SPHK2: variants seen among roughly 807,000 people sequenced by gnomAD.
SPHK2 encodes the protein sphingosine kinase 2.
SPHK2 carries 18 observed loss-of-function variants against 32.3 expected under a neutral mutation model. The ratio of observed to expected loss-of-function variants is 0.56; its 90% CI spans 0.39 to 0.83. The LOEUF (loss-of-function observed/expected upper bound fraction) is 0.83, where lower values mean the gene tolerates loss of function less well. Ranked by LOEUF, SPHK2 falls within the 40% of genes least tolerant of loss-of-function variation. The probability of loss-of-function intolerance (pLI) is 0.00; values close to 1 mark genes in which losing one functional copy is unlikely to be tolerated. For synonymous variants in SPHK2, 462 were observed against 417.6 expected (o/e 1.11, Z -1.30); for missense variants, 850 against 908.7 (o/e 0.94, Z 0.83).
intron 2 of SPHK2, chr19:48,625,317 C>T (rs1974562597): frequency 1.8e-6 from 2 of 1,119,332 alleles, no homozygotes; most frequent in South Asian, 2.0e-5. Flanking sequence ...TGTTTGTCTC[C>T]TCTCAGTGTT....
rs1485942168 is a variant in SPHK2 at position 48,630,076 on chromosome 19, G to A, written c.*303G>A. The A allele has an allele frequency of 1.6e-6, 2 of 1,280,748 alleles. No homozygotes were observed. Among genetic ancestry groups the A allele is most frequent in the Non-Finnish European group, 2.0e-6 (2 of 1,013,934 alleles). The allele number at this position is 1,280,748 out of a possible 1,614,324, so 79.3% of individuals were successfully genotyped here. A position where few individuals can be genotyped will look rare whatever the true frequency, so the allele number is the denominator to read the frequency against. The stretch of plus-strand genomic sequence containing the variant: ...TGACGCTTGCCACCTGCTCCTACCC[G>A]GCCAGGATGGCTGAGGGCGGAGTCT... On this transcript the variant is annotated 3_prime_UTR_variant, in exon 7 of 7. Coordinates refer to ENST00000245222, the MANE Select transcript of SPHK2 (RefSeq NM_020126.5). The surrounding 1 kb of genome is among the most constrained non-coding windows in gnomAD (Gnocchi z 4.9).
At position 48,619,515 on chromosome 19, in the gene SPHK2, C is replaced by T. The variant is rs1279556503; in HGVS notation, c.-142C>T. The stretch of plus-strand genomic sequence containing the variant: ...ACGCCGACGGCCTCTCAGTGGCTCC[C>T]GGAGGACCCGGCGGGCCCAGTGTTG... On this transcript the variant is annotated 5_prime_UTR_variant, in exon 1 of 7. Coordinates refer to ENST00000245222, the MANE Select transcript of SPHK2 (RefSeq NM_020126.5). The T allele has an allele frequency of 1.4e-5, 4 of 289,276 alleles. No individual in the cohort carries two copies. The highest frequency in any genetic ancestry group is 9.5e-5 in the South Asian group (2 of 21,134). The allele number at this position is 289,276 out of a possible 1,614,324, so 17.9% of individuals were successfully genotyped here.
chr19:48,629,098 T>C lies in SPHK2; in HGVS notation c.1290T>C (p.Pro430=), dbSNP rs753171885. 3 of 1,613,460 alleles carry C rather than the reference T, an allele frequency of 1.9e-6. No homozygotes were observed. In the South Asian group the frequency reaches 3.3e-5, roughly 18 times the overall value. The change falls in exon 7 of 7, where the codon CCT becomes CCC. Residue 430 remains proline (P), a synonymous_variant. Transcript: ENST00000245222. The part of the protein sequence containing the change: ...VSDLPLPLPQ[P]ALASPGSPEP... ...ACCTGCCTCTTCCCCTGCCCCAGCCTGCCCTGGCCTCTCCTGGCTCGCCAG... is the reference window on the plus strand; with the variant it reads ...ACCTGCCTCTTCCCCTGCCCCAGCCCGCCCTGGCCTCTCCTGGCTCGCCAG...
chr19:48,622,000 A>T (rs1974422705), intron 2 of SPHK2, among the ~76,000 whole-genome samples: 2 of 152,168 alleles, frequency 1.3e-5, no homozygotes, highest in South Asian at 4.1e-4. Flanking sequence ...TCACGCCTGT[A>T]ATCCCAGCAC....
In SPHK2 at chr19:48,629,736, T is replaced by C; in HGVS notation, c.1928T>C (p.Leu643Pro). 4 of 1,592,240 alleles carry C rather than the reference T, an allele frequency of 2.5e-6. No homozygotes were observed. The highest frequency in any genetic ancestry group is 2.2e-5 in the East Asian group (1 of 44,454). ...ATGCACCCTGGCATCGGTACACTGC[T>C]CACTGGGCCTCCTGGCTGCCCGGGG... Reference protein sequence around the residue: ...AQMHPGIGTLLTGPPGCPGRE... With the variant: ...AQMHPGIGTLPTGPPGCPGRE... Residue 643 changes from leucine to proline, a missense_variant, in exon 7 of 7, where the codon CTC (leucine) becomes CCC (proline). Around this residue, in one of 2 missense-constraint regions of SPHK2, gnomAD observed 306 missense variants for 268.6 expected, o/e 1.14. Coordinates refer to ENST00000245222, the MANE Select transcript of SPHK2 (RefSeq NM_020126.5).
At position 48,628,183 on chromosome 19, in the gene SPHK2, C is replaced by A. The variant is rs1463647244; in HGVS notation, c.778C>A (p.Arg260Ser). ...LHEVLNGLLDRPDWEEAVKMP... is the reference protein window; with the variant it reads ...LHEVLNGLLDSPDWEEAVKMP... ...CCAGGTGCTGAACGGGCTCCTAGAT[C>A]GCCCTGACTGGGAGGAAGCTGTGAA... The change falls in exon 6 of 7, where the codon CGC becomes AGC. Residue 260 changes from arginine (R) to serine (S), a missense_variant. Physicochemically the swap from Arg to Ser is moderately radical, Grantham distance 110 (BLOSUM62 -1). This residue lies in a region of SPHK2 where 544 missense variants were observed against 640.0 expected (regional missense o/e 0.85). Coordinates refer to ENST00000245222, the MANE Select transcript of SPHK2 (RefSeq NM_020126.5). The surrounding 1 kb of genome is among the most constrained non-coding windows in gnomAD (Gnocchi z 5.2). 1 of 1,613,754 alleles carries A rather than the reference C, an allele frequency of 6.2e-7. No homozygotes were observed. Among genetic ancestry groups the A allele is most frequent in the Non-Finnish European group, 8.5e-7 (1 of 1,179,872 alleles).
At chr19:48,627,653 G>A in intron 3 of SPHK2, 39 bp from the exon 4 acceptor site, 2 of 1,527,152 alleles carry the variant, frequency 1.3e-6, no homozygotes, top group Non-Finnish European at 8.8e-7. Context: ...TGGGGGGCCT[G>A]GGTCACTGGC....
chr19:48,624,753 T>G, intron 2 of SPHK2: 7 of 236,690 alleles, frequency 3.0e-5, no homozygotes, highest in South Asian at 1.5e-4. Context: ...TTGAACCTGA[T>G]TTGAGGTTCC....
intron 2 of SPHK2, chr19:48,625,063 G>A: frequency 2.0e-6 from 2 of 991,584 alleles, no homozygotes; most frequent in Non-Finnish European, 2.4e-6. Flanking sequence ...GAGAGCAGGC[G>A]GCCAGACACC....
intron 2 of SPHK2, 130 bp from the exon 3 acceptor site, chr19:48,625,761 G>T (rs1202043498): frequency 1.3e-6 from 2 of 1,535,466 alleles, no homozygotes; most frequent in Non-Finnish European, 1.7e-6. Flanking sequence ...GTCTGAGCCT[G>T]TCTGTCTCTG....
Position 48,627,755 on chromosome 19 carries a change from G to A in SPHK2, c.575G>A (p.Gly192Asp). 2 of 1,613,860 alleles carry A rather than the reference G, an allele frequency of 1.2e-6. No homozygotes were observed. Among genetic ancestry groups the A allele is most frequent in the Non-Finnish European group, 1.7e-6 (2 of 1,179,906 alleles). The change falls in exon 4 of 7, where the codon GGT becomes GAT. Residue 192 changes from glycine to aspartate, a missense_variant. Transcript: ENST00000245222. The part of the protein sequence containing the change: ...RLLLLVNPFG[G>D]RGLAWQWCKN... ...CTTCTATTGGTCAATCCCTTTGGGGGTCGGGGCCTGGCCTGGCAGTGGTGT... is the reference window on the plus strand; with the variant it reads ...CTTCTATTGGTCAATCCCTTTGGGGATCGGGGCCTGGCCTGGCAGTGGTGT...
At position 48,625,965 on chromosome 19, in the gene SPHK2, C is replaced by T; in HGVS notation, c.114C>T (p.Ala38=). 1 of 1,612,550 alleles carries T rather than the reference C, an allele frequency of 6.2e-7. No individual in the cohort carries two copies. The highest frequency in any genetic ancestry group is 8.5e-7 in the Non-Finnish European group (1 of 1,179,734). ...RSTLVRAKAM[A]PPPPPLAAST... is the part of the protein sequence containing the mutation. ...CCCTGGTCAGGGCTAAGGCCATGGC[C>T]CCGCCCCCACCGCCACTGGCTGCCA... The change falls in exon 3 of 7, where the codon GCC becomes GCT. Residue 38 remains alanine (A), a synonymous_variant. Coordinates refer to ENST00000245222, the MANE Select transcript of SPHK2 (RefSeq NM_020126.5).
chr19:48,628,817 T>C lies in SPHK2; in HGVS notation c.1009T>C (p.Trp337Arg). Reference protein sequence around the residue: ...SRCFSFLSVAWGFVSDVDIQS... With the variant: ...SRCFSFLSVARGFVSDVDIQS... ...CTGTTTCTCCTTCCTGTCTGTGGCC[T>C]GGGGCTTCGTGTCAGATGTGGATAT... The change falls in exon 7 of 7, where the codon TGG becomes CGG. Residue 337 changes from tryptophan (W) to arginine (R), a missense_variant. Physicochemically the swap from Trp to Arg is moderately radical, Grantham distance 101. Around this residue, in one of 2 missense-constraint regions of SPHK2, gnomAD observed 544 missense variants for 640.0 expected, o/e 0.85. Coordinates refer to ENST00000245222, the MANE Select transcript of SPHK2 (RefSeq NM_020126.5). The surrounding 1 kb of genome is among the most constrained non-coding windows in gnomAD (Gnocchi z 5.2). 6.2e-7 allele frequency: 1 copy of C among 1,613,694 alleles called. No individual in the cohort carries two copies. Among genetic ancestry groups the C allele is most frequent in the South Asian group, 1.1e-5 (1 of 91,090 alleles).
Position 48,628,587 on chromosome 19 carries a change from G to C in SPHK2, c.873-94G>C. On this transcript the variant is annotated intron_variant, in intron 6 of 6. Coordinates refer to ENST00000245222, the MANE Select transcript of SPHK2 (RefSeq NM_020126.5). This position sits in a 1 kb window ranked among gnomAD's most constrained non-coding sequence, Gnocchi z 5.2. Reference sequence around the variant, plus strand: ...GTGGTGGGCCTGGGCCATGGCCTTCGTGGTCTCATTGCCAGCTGCTTTCCT... The same window carrying C: ...GTGGTGGGCCTGGGCCATGGCCTTCCTGGTCTCATTGCCAGCTGCTTTCCT... The C allele has an allele frequency of 2.7e-6, 4 of 1,490,664 alleles. No individual in the cohort carries two copies. The highest frequency in any genetic ancestry group is 3.7e-6 in the Non-Finnish European group (4 of 1,087,378). 92.3% of individuals were successfully genotyped at this position (1,490,664 alleles called of 1,614,324 possible).
chr19:48,620,506 G>A lies in SPHK2; in HGVS notation c.-9G>A, dbSNP rs372523247. The A allele has an allele frequency of 6.2e-7, 1 of 1,612,880 alleles. No homozygotes were observed. The highest frequency in any genetic ancestry group is 1.3e-5 in the African/African-American group (1 of 74,926). ...GTCCCGTTGATGTAACAGAGCAGAG[G>A]ACCAGCAGATGAATGGACACCTTGA... is the stretch of plus-strand genomic sequence containing the variant. On this transcript the variant is annotated 5_prime_UTR_variant, in exon 2 of 7. Transcript: ENST00000245222.
chr19:48,620,454 T>C lies in SPHK2; in HGVS notation c.-61T>C. The C allele has an allele frequency of 6.6e-7, 1 of 1,508,866 alleles. No homozygotes were observed. Among genetic ancestry groups the C allele is most frequent in the Admixed American group, 1.8e-5 (1 of 56,294 alleles). 93.5% of individuals were successfully genotyped at this position (1,508,866 alleles called of 1,614,324 possible). A position where few individuals can be genotyped will look rare whatever the true frequency, so the allele number is the denominator to read the frequency against. On this transcript the variant is annotated 5_prime_UTR_variant, in exon 2 of 7. Transcript: ENST00000245222. ...ACCTGACTCCTTGCTCCTACCAGCC[T>C]ACTATGGCTTAAGACCCAGGGCCAG...
At chr19:48,622,755 C>CT (rs1974453542) in intron 2 of SPHK2, among the ~76,000 whole-genome samples, 1 of 133,384 alleles carries the variant, frequency 7.5e-6, no homozygotes, top group Non-Finnish European at 1.6e-5. Flanking sequence ...ACATTTGTCT[C>CT]TCTTTTTTTT....
intron 2 of SPHK2, among the ~76,000 whole-genome samples, chr19:48,622,757 CTTT>C (rs779108312): frequency 1.8e-5 from 2 of 108,544 alleles, no homozygotes; most frequent in Admixed American, 2.1e-4. Context: ...ATTTGTCTCT[CTTT>C]TTTTTTTTTT....
intron 2 of SPHK2, chr19:48,625,268 T>C: frequency 9.1e-7 from 1 of 1,103,700 alleles, no homozygotes; most frequent in Non-Finnish European, 1.1e-6. Flanking sequence ...CTTACTCTCT[T>C]AAGTATCTTT....
Sources: gnomAD v4.1 joint callset for allele counts (sites outside exome capture counted in the v4.1 genomes callset) on GRCh38, gnomAD v4.1.1 for gene constraint, gnomAD v4.1.1 regional missense constraint, Gnocchi (gnomAD v3.1) non-coding constraint, MANE v1.5 for transcripts, NCBI Gene and HGNC (gene_info 2026-07-23, HGNC 2026-07-21) for gene names.